C1QTNF3: variants seen among roughly 807,000 people sequenced by gnomAD.
The protein encoded by C1QTNF3 is C1q and TNF related 3.
In C1QTNF3, 26 loss-of-function variants were observed where a neutral mutation model predicts 32.6. The ratio of observed to expected loss-of-function variants is 0.80; its 90% CI spans 0.58 to 1.11. C1QTNF3 has a LOEUF of 1.11. C1QTNF3 is among the 50% of genes least tolerant of loss of function. C1QTNF3 has a pLI of 0.00. For missense variants in C1QTNF3, 362 were observed against 398.2 expected (o/e 0.91, Z 0.77); for synonymous variants, 155 against 146.0 (o/e 1.06, Z -0.44).
the C1QTNF3 span, among the ~76,000 whole-genome samples, chr5:34,115,903 G>T: frequency 6.6e-6 from 1 of 151,860 alleles, no homozygotes; most frequent in Admixed American, 6.5e-5. Flanking sequence ...GTAAATCTTT[G>T]ATCATGTTTT....
the C1QTNF3 span, among the ~76,000 whole-genome samples, chr5:34,147,581 G>A: frequency 6.6e-6 from 1 of 151,884 alleles, no homozygotes; most frequent in Non-Finnish European, 1.5e-5. Flanking sequence ...ACCAAATATG[G>A]CATGTCCTCA....
At chr5:34,059,401 C>CT in the C1QTNF3 span, among the ~76,000 whole-genome samples, 2 of 152,236 alleles carry the variant, frequency 1.3e-5, no homozygotes, top group Non-Finnish European at 2.9e-5. Flanking sequence ...CTATAACAAA[C>CT]TGCCAAATAC....
chr5:34,165,247 A>C, the C1QTNF3 span: 1 of 152,098 alleles, frequency 6.6e-6, no homozygotes, highest in Non-Finnish European at 1.5e-5. Context: ...GGACTTGGAG[A>C]AAGCTACTCT....
the C1QTNF3 span, among the ~76,000 whole-genome samples, chr5:34,147,387 C>A: frequency 6.6e-6 from 1 of 152,150 alleles, no homozygotes; most frequent in African/African-American, 2.4e-5. Context: ...CTGTTCACAA[C>A]AGCAAAGACA....
At chr5:34,159,341 TCTC>T in the C1QTNF3 span, among the ~76,000 whole-genome samples, 13 of 152,082 alleles carry the variant, frequency 8.5e-5, no homozygotes, top group Non-Finnish European at 1.0e-4. Flanking sequence ...CTAATTTTCA[TCTC>T]CTCATTATTT....
the C1QTNF3 span, among the ~76,000 whole-genome samples, chr5:34,210,933 G>C: frequency 3.3e-5 from 5 of 151,886 alleles, no homozygotes; most frequent in Non-Finnish European, 5.9e-5. Context: ...AACCAAATTT[G>C]ATATACAACT....
the C1QTNF3 span, among the ~76,000 whole-genome samples, chr5:34,154,070 GTCTA>G: frequency 2.0e-5 from 3 of 151,628 alleles, no homozygotes; most frequent in Non-Finnish European, 4.4e-5. Flanking sequence ...ATAATGCAAG[GTCTA>G]TCTATCTAAT....
chr5:34,234,915 A>G, the C1QTNF3 span, among the ~76,000 whole-genome samples: 2 of 152,118 alleles, frequency 1.3e-5, no homozygotes, highest in African/African-American at 4.8e-5. Context: ...TTTTCTCACA[A>G]TAGGCTTATT....
At chr5:34,067,713 T>G in the C1QTNF3 span, among the ~76,000 whole-genome samples, 1 of 152,188 alleles carries the variant, frequency 6.6e-6, no homozygotes, top group Non-Finnish European at 1.5e-5. Context: ...CAGCATGACA[T>G]CTAGGATTTT....
the C1QTNF3 span, among the ~76,000 whole-genome samples, chr5:34,177,062 G>A: frequency 5.9e-5 from 9 of 152,032 alleles, no homozygotes; most frequent in Admixed American, 3.9e-4. Flanking sequence ...GTGTAGTGGC[G>A]CATGCCTGTG....
chr5:34,241,951 G>GGGAAGGAAGGAAGGAA, the C1QTNF3 span, among the ~76,000 whole-genome samples: 53 of 90,180 alleles, frequency 5.9e-4, no homozygotes, highest in South Asian at 1.4e-3. Flanking sequence ...AAGGGAGGGA[G>GGGAAGGAAGGAAGGAA]GGAAGGAAGG....
At chr5:34,133,969 TGA>T in the C1QTNF3 span, among the ~76,000 whole-genome samples, 1 of 152,172 alleles carries the variant, frequency 6.6e-6, no homozygotes, top group East Asian at 1.9e-4. Context: ...TCCAAATGAG[TGA>T]GTGTTTGGTG....
chr5:34,155,324 A>T, the C1QTNF3 span, among the ~76,000 whole-genome samples: 1 of 152,236 alleles, frequency 6.6e-6, no homozygotes. Context: ...ATACACAGAC[A>T]TTACAATACT....
At chr5:34,138,364 T>C in the C1QTNF3 span, among the ~76,000 whole-genome samples, 1 of 152,178 alleles carries the variant, frequency 6.6e-6, no homozygotes, top group East Asian at 1.9e-4. Context: ...ATATACAACA[T>C]ATAAAATAAT....
chr5:34,110,481 C>G, the C1QTNF3 span, among the ~76,000 whole-genome samples: 425 of 151,688 alleles, frequency 2.8e-3, 1 homozygote, highest in African/African-American at 9.8e-3. Flanking sequence ...GTTCAGATGT[C>G]AGGATATTTG....
At chr5:34,239,189 CCACTTAAGTA>C in the C1QTNF3 span, among the ~76,000 whole-genome samples, 2 of 151,966 alleles carry the variant, frequency 1.3e-5, no homozygotes, top group Non-Finnish European at 2.9e-5. Flanking sequence ...CCACAAAAAC[CCACTTAAGTA>C]CATAGCTCAC....
the C1QTNF3 span, among the ~76,000 whole-genome samples, chr5:34,127,289 T>C: frequency 3.9e-5 from 6 of 152,164 alleles, no homozygotes; most frequent in South Asian, 6.2e-4. Flanking sequence ...GACGGGAAGA[T>C]ATGGGAAAGT....
chr5:34,172,975 A>G, the C1QTNF3 span, among the ~76,000 whole-genome samples: 1 of 152,158 alleles, frequency 6.6e-6, no homozygotes, highest in Non-Finnish European at 1.5e-5. Flanking sequence ...GATTCTTTTT[A>G]AAAATATTTT....
At chr5:34,226,350 A>G in the C1QTNF3 span, among the ~76,000 whole-genome samples, 1 of 152,006 alleles carries the variant, frequency 6.6e-6, no homozygotes, top group African/African-American at 2.4e-5. Context: ...TGTAAATAAA[A>G]TATACTGAGA....
Sources: gnomAD v4.1 joint callset for allele counts (sites outside exome capture counted in the v4.1 genomes callset) on GRCh38, gnomAD v4.1.1 for gene constraint, MANE v1.5 for transcripts, NCBI Gene and HGNC (gene_info 2026-07-23, HGNC 2026-07-21) for gene names.